PDHA1: variants seen among roughly 807,000 people sequenced by gnomAD.
The protein encoded by PDHA1 is pyruvate dehydrogenase E1 subunit alpha 1, also known as pyruvate dehydrogenase E1 component subunit alpha, somatic form, mitochondrial.
PDHA1 carries 1 observed loss-of-function variant against 33.0 expected under a neutral mutation model. That is an observed-to-expected ratio of 0.03 (90% CI 0.01 to 0.14). PDHA1 has a LOEUF of 0.14. Among genes scored for constraint, PDHA1 ranks in the 10% least tolerant of loss-of-function variants. The probability of loss-of-function intolerance (pLI) is 1.00; values close to 1 mark genes in which losing one functional copy is unlikely to be tolerated. For synonymous variants in PDHA1, 123 were observed against 119.2 expected (o/e 1.03, Z -0.21); for missense variants, 168 against 325.1 (o/e 0.52, Z 3.72).
intron 5 of PDHA1, among the ~76,000 whole-genome samples, chrX:19,353,735 T>C (rs931469963): frequency 9.0e-6 from 1 of 111,703 alleles, no homozygotes; most frequent in African/African-American, 3.3e-5. Context: ...GTTTTATAAG[T>C]AAGCAGGAAC....
intron 8 of PDHA1, chrX:19,357,243 C>T (rs952942548): frequency 2.7e-5 from 6 of 218,672 alleles, no homozygotes; most frequent in South Asian, 6.0e-5. Flanking sequence ...TACAGGCGCA[C>T]GCCACCATGC....
At chrX:19,358,863 T>A (rs2063229949) in intron 9 of PDHA1, 53 bp from the exon 10 acceptor site, 2 of 685,461 alleles carry the variant, frequency 2.9e-6, no homozygotes, top group Admixed American at 4.4e-5. Context: ...ACGCCGTCCT[T>A]GCTCTACTGG....
chrX:19,355,311 A>G, intron 6 of PDHA1, 38 bp from the exon 7 acceptor site: 2 of 1,202,003 alleles, frequency 1.7e-6, no homozygotes, highest in Non-Finnish European at 2.3e-6. Flanking sequence ...GCCTGGAGAA[A>G]GAAGCCAAAT....
In PDHA1 at chrX:19,361,411, A is replaced by G. The variant is rs763556279; in HGVS notation, c.*1758A>G. The G allele has an allele frequency of 1.7e-6, 2 of 1,202,930 alleles. No individual in the cohort carries two copies. The highest frequency in any genetic ancestry group is 3.5e-5 in the African/African-American group (2 of 57,387). ...ATCCGAAAGTGTATAACCCTCTTCA[A>G]CAATCTGAAACAAAGATCAGATCCT... is the stretch of plus-strand genomic sequence containing the variant. On this transcript the variant is annotated 3_prime_UTR_variant, in exon 11 of 11. Transcript: ENST00000422285.
At chrX:19,348,073 T>C (rs756484783) in intron 1 of PDHA1, among the ~76,000 whole-genome samples, 2 of 112,651 alleles carry the variant, frequency 1.8e-5, no homozygotes, top group Non-Finnish European at 3.7e-5. Context: ...TTAGGTAAGG[T>C]ATGAACACAT....
intron 1 of PDHA1, chrX:19,346,604 A>G: frequency 2.1e-6 from 2 of 963,541 alleles, no homozygotes; most frequent in Middle Eastern, 2.8e-4. Flanking sequence ...GATTACTCTC[A>G]CTCTCTTAAA....
rs759331650 is a variant in PDHA1 at position 19,349,945 on chromosome X, C to G, written c.126C>G (p.Asp42Glu). 9.1e-6 allele frequency: 11 copies of G among 1,205,534 alleles called. No homozygotes were observed. In the African/African-American group the frequency reaches 1.4e-4, roughly 15 times the overall value. Reference sequence around the variant, plus strand: ...ACCTTATTCCATTTCAGAAATGTGACCTTCACCGGCTGGAAGAAGGCCCTC... The same window carrying G: ...ACCTTATTCCATTTCAGAAATGTGAGCTTCACCGGCTGGAAGAAGGCCCTC... ...NDATFEIKKC[D>E]LHRLEEGPPV... Residue 42 changes from aspartate (D) to glutamate (E), a missense_variant, in exon 3 of 11, where the codon GAC becomes GAG. This residue lies in a region of PDHA1 where 46 missense variants were observed against 47.4 expected (regional missense o/e 0.97). Transcript: ENST00000422285.
At chrX:19,355,586 C>T in intron 7 of PDHA1, 82 bp downstream of exon 7, 3 of 1,156,460 alleles carry the variant, frequency 2.6e-6, no homozygotes, top group African/African-American at 1.8e-5. Flanking sequence ...ATCTTAGAAA[C>T]ATTGGAGAGT....
chrX:19,355,912 T>C (rs2063194167), intron 8 of PDHA1, among the ~76,000 whole-genome samples, 155 bp downstream of exon 8: 2 of 112,381 alleles, frequency 1.8e-5, no homozygotes, highest in South Asian at 7.3e-4. Flanking sequence ...TTGGGTAGCT[T>C]GGTCTTGGTA....
chrX:19,346,272 C>T (rs190829224), intron 1 of PDHA1, among the ~76,000 whole-genome samples: 1 of 111,626 alleles, frequency 9.0e-6, no homozygotes, highest in African/African-American at 3.3e-5. Context: ...AGATAATCCC[C>T]TTAACCTCCC....
At position 19,357,724 on chromosome X, in the gene PDHA1, G is replaced by C. The variant is rs762582284; in HGVS notation, c.899+5G>C. The C allele has an allele frequency of 2.5e-6, 3 of 1,189,966 alleles. No individual in the cohort carries two copies. The highest frequency in any genetic ancestry group is 3.4e-6 in the Non-Finnish European group (3 of 875,560). ...TATGAGTGACCCTGGAGTCAGGTAC[G>C]CTCATGGGCAGTGTGGTTTCCATAG... On this transcript the variant is annotated splice_donor_5th_base_variant and intron_variant, in intron 9 of 10. Coordinates refer to ENST00000422285, the MANE Select transcript of PDHA1 (RefSeq NM_000284.4).
At chrX:19,359,386 G>A (rs2063241615) in intron 10 of PDHA1, 103 bp from the exon 11 acceptor site, 6 of 642,621 alleles carry the variant, frequency 9.3e-6, no homozygotes, top group East Asian at 3.2e-5. Context: ...GTTCGTACTT[G>A]TAGTTAAAGA....
chrX:19,354,400 G>C lies in PDHA1; in HGVS notation c.511-91G>C, dbSNP rs2063182042. The C allele has an allele frequency of 8.5e-6, 5 of 586,714 alleles. No homozygotes were observed. The South Asian group carries it at 9.0e-5, about 11-fold the overall frequency. 48.4% of individuals were successfully genotyped at this position (586,714 alleles called of 1,213,427 possible). ...TAGCAGCAGTGTAATTTCTGTGTCA[G>C]ATTCTGGCCAGGAGTGAAAATGCAG... is the stretch of plus-strand genomic sequence containing the variant. On this transcript the variant is annotated intron_variant, in intron 5 of 10. Transcript: ENST00000422285.
chrX:19,353,516 A>T (rs2063176382), intron 5 of PDHA1, among the ~76,000 whole-genome samples: 1 of 111,975 alleles, frequency 8.9e-6, no homozygotes, highest in Non-Finnish European at 1.9e-5. Context: ...AGTGGGCTGT[A>T]CCATCTAGGT....
chrX:19,347,652 G>A lies in PDHA1; in HGVS notation c.58-1660G>A, dbSNP rs137957573. Among the ~76,000 whole-genome samples the A allele has an allele frequency of 6.2e-5, 7 of 112,713 alleles. No individual in the cohort carries two copies. The East Asian group carries it at 1.4e-3, about 22-fold the overall frequency. On this transcript the variant is annotated intron_variant, in intron 1 of 10. Coordinates refer to ENST00000422285, the MANE Select transcript of PDHA1 (RefSeq NM_000284.4). ...CTGCCTTCCAAAAACTGCAGTTTCT[G>A]TAGTTGTATTTGGAAATTTATTTCA...
rs1418527396 is a variant in PDHA1, at chrX:19,352,929, A to C, written c.419-153A>C. ...TGGAACTAGTGAAAGGACAAGGAGA[A>C]ACATGTGTTTGCCTGGAGGGACAGG... On this transcript the variant is annotated intron_variant, in intron 4 of 10. Coordinates refer to ENST00000422285, the MANE Select transcript of PDHA1 (RefSeq NM_000284.4). The C allele has an allele frequency of 7.3e-6, 4 of 545,579 alleles. No homozygotes were observed. The African/African-American group carries it at 9.0e-5, about 12-fold the overall frequency. 45.0% of individuals were successfully genotyped at this position (545,579 alleles called of 1,213,427 possible). A position where few individuals can be genotyped will look rare whatever the true frequency, so the allele number is the denominator to read the frequency against.
At chrX:19,355,259 C>G (rs2063187721) in intron 6 of PDHA1, 90 bp from the exon 7 acceptor site, 1 of 1,066,248 alleles carries the variant, frequency 9.4e-7, no homozygotes, top group South Asian at 1.9e-5. Context: ...TTTATGAAAG[C>G]TTTCTGTGCC....
In PDHA1 at chrX:19,360,829, C is replaced by T; in HGVS notation, c.*1176C>T. The T allele has an allele frequency of 8.3e-7, 1 of 1,200,304 alleles. No homozygotes were observed. Among genetic ancestry groups the T allele is most frequent in the Non-Finnish European group, 1.1e-6 (1 of 889,337 alleles). On this transcript the variant is annotated 3_prime_UTR_variant, in exon 11 of 11. Coordinates refer to ENST00000422285, the MANE Select transcript of PDHA1 (RefSeq NM_000284.4). ...GCACTCCAGAGTCTGCAGAGGAGACCACCCCTGGGAAACAAACACAGCTGT... is the reference window on the plus strand; with the variant it reads ...GCACTCCAGAGTCTGCAGAGGAGACTACCCCTGGGAAACAAACACAGCTGT...
At position 19,359,947 on chromosome X, in the gene PDHA1, CACCTTTTTGGGAGGAG is replaced by C. The variant is rs2063258182; in HGVS notation, c.*298_*313del. On this transcript the variant is annotated 3_prime_UTR_variant, in exon 11 of 11. Coordinates refer to ENST00000422285, the MANE Select transcript of PDHA1 (RefSeq NM_000284.4). ...TATGCCTGTTTCCCCTGCCCCCAGC[CACCTTTTTGGGAGGAG>C]ACCATTATGGCGGGGCCCCTCACAG... 3.1e-6 allele frequency: 1 copy of C among 321,196 alleles called. No homozygotes were observed. The allele number at this position is 321,196 out of a possible 1,213,427, so 26.5% of individuals were successfully genotyped here.
Sources: allele counts gnomAD v4.1 joint callset (sites outside exome capture counted in the v4.1 genomes callset), GRCh38; gene constraint gnomAD v4.1.1; regional missense constraint gnomAD v4.1.1; transcripts MANE v1.5; gene names NCBI Gene and HGNC (gene_info 2026-07-23, HGNC 2026-07-21).